Variants in ADAM28 observed in about 807,000 individuals in gnomAD.
ADAM28 encodes the protein disintegrin and metalloproteinase domain-containing protein 28.
ADAM28 carries 105 observed loss-of-function variants against 101.2 expected under a neutral mutation model. The observed-to-expected ratio is 1.04, with a 90% CI of 0.89 to 1.22. ADAM28 has a LOEUF of 1.22. ADAM28 is among the 50% of genes most tolerant of loss of function. The probability of loss-of-function intolerance (pLI) is 0.00; values close to 1 mark genes in which losing one functional copy is unlikely to be tolerated. For missense variants in ADAM28, 1,028 were observed against 945.4 expected (o/e 1.09, Z -1.15); for synonymous variants, 322 against 310.6 (o/e 1.04, Z -0.39).
rs1007157405 is a variant in ADAM28, at chr8:24,356,408, C to T, written c.*2004C>T. ...ACCATAACCCAAGCAAAAACTAAAC[C>T]ATACACTCTCAAAAGCAGTGGCATG... On this transcript the variant is annotated 3_prime_UTR_variant, in exon 23 of 23. Transcript: ENST00000265769. The T allele has an allele frequency of 1.3e-5, 2 of 152,124 alleles. No homozygotes were observed. Among genetic ancestry groups the T allele is most frequent in the African/African-American group, 2.4e-5 (1 of 41,430 alleles). 9.4% of individuals were successfully genotyped at this position (152,124 alleles called of 1,614,324 possible). A position where few individuals can be genotyped will look rare whatever the true frequency, so the allele number is the denominator to read the frequency against.
In ADAM28 at chr8:24,332,778, T is replaced by C. The variant is rs999808265; in HGVS notation, c.1371+29T>C. ...AGATTATTTTATTCTATTTTAATAA[T>C]TATGATTACATTTTTATACATTAAC... On this transcript the variant is annotated intron_variant, in intron 13 of 22. Coordinates refer to ENST00000265769, the MANE Select transcript of ADAM28 (RefSeq NM_014265.6). 1.7e-5 allele frequency: 21 copies of C among 1,242,824 alleles called. No homozygotes were observed. In the African/African-American group the frequency reaches 2.8e-4, roughly 17 times the overall value. The allele number at this position is 1,242,824 out of a possible 1,614,324, so 77.0% of individuals were successfully genotyped here.
intron 16 of ADAM28, among the ~76,000 whole-genome samples, chr8:24,342,049 A>C (rs1210040107): frequency 2.6e-5 from 4 of 152,230 alleles, no homozygotes; most frequent in African/African-American, 7.2e-5. Context: ...CGTCATGCAG[A>C]TAACACACAG....
chr8:24,342,839 C>G (rs1251586153), intron 16 of ADAM28: 3 of 436,076 alleles, frequency 6.9e-6, no homozygotes, highest in Non-Finnish European at 1.2e-5. Context: ...TAACTTCTTG[C>G]ATAGTCATTG....
chr8:24,294,238 C>A, intron 1 of ADAM28, 43 bp downstream of exon 1: 1 of 1,598,184 alleles, frequency 6.3e-7, no homozygotes, highest in Non-Finnish European at 8.6e-7. Context: ...AATGCATTAG[C>A]GAACTTTTCA....
intron 13 of ADAM28, among the ~76,000 whole-genome samples, chr8:24,333,366 G>A (rs1016255161): frequency 4.2e-4 from 64 of 152,108 alleles, no homozygotes; most frequent in African/African-American, 1.4e-3. Context: ...GTAAGAGACC[G>A]ATACATCAAT....
At chr8:24,351,499 C>A in intron 20 of ADAM28, 189 bp downstream of exon 20, 1 of 665,814 alleles carries the variant, frequency 1.5e-6, no homozygotes, top group Non-Finnish European at 2.7e-6. Context: ...TGCCGGGGTT[C>A]ATGAAATGCA....
chr8:24,321,128 A>G, intron 7 of ADAM28, 90 bp from the exon 8 acceptor site: 1 of 704,954 alleles, frequency 1.4e-6, no homozygotes, highest in Non-Finnish European at 2.4e-6. Flanking sequence ...TAAAATCAAT[A>G]ATAAGTAATA....
chr8:24,330,523 CA>C (rs1321644240), intron 11 of ADAM28, among the ~76,000 whole-genome samples: 1 of 152,128 alleles, frequency 6.6e-6, no homozygotes, highest in Non-Finnish European at 1.5e-5. Context: ...CTGAATTAGG[CA>C]AAATTTTTAG....
At chr8:24,297,376 G>A (rs985764553) in intron 1 of ADAM28, among the ~76,000 whole-genome samples, 12 of 152,184 alleles carry the variant, frequency 7.9e-5, no homozygotes, top group Non-Finnish European at 1.5e-4. Context: ...GAGAAAATTT[G>A]TGTTGGCTAG....
intron 14 of ADAM28, among the ~76,000 whole-genome samples, chr8:24,336,580 C>CA (rs769016133): frequency 0.18 from 10,727 of 61,082 alleles, 917 homozygotes; most frequent in East Asian, 0.35. Context: ...ACTCCGTCTC[C>CA]AAAAAAAAAA....
intron 6 of ADAM28, among the ~76,000 whole-genome samples, chr8:24,317,591 A>G (rs76137659): frequency 0.048 from 7,296 of 152,166 alleles, 251 homozygotes; most frequent in East Asian, 0.093. Context: ...CTAAAAGAAA[A>G]TAGAGGGGAA....
Position 24,299,979 on chromosome 8 carries a change from G to A in ADAM28, c.52G>A (p.Ala18Thr). 1 of 1,610,606 alleles carries A rather than the reference G, an allele frequency of 6.2e-7. No individual in the cohort carries two copies. Among genetic ancestry groups the A allele is most frequent in the Non-Finnish European group, 8.5e-7 (1 of 1,179,334 alleles). ...TTCTTTTTCTTTTTTCTCAGTAAGTGCTATAAAAGAACTCCCTGGGGTGAA... is the reference window on the plus strand; with the variant it reads ...TTCTTTTTCTTTTTTCTCAGTAAGTACTATAAAAGAACTCCCTGGGGTGAA... ...VSLLLSVAVS[A>T]IKELPGVKKY... The change falls in exon 2 of 23, where the codon GCT (alanine) becomes ACT (threonine). Residue 18 changes from alanine to threonine, a missense_variant. Ala to Thr is a moderately conservative substitution (Grantham distance 58, BLOSUM62 0). Transcript: ENST00000265769.
Position 24,335,470 on chromosome 8 carries a change from A to G in ADAM28, c.1396A>G (p.Arg466Gly), listed in dbSNP as rs778340500. Reference sequence around the variant, plus strand: ...GTTTAAAAAGGCTGGGATGGTGTGCAGACCAGCAAAAGATGAGTGCGACCT... The same window carrying G: ...GTTTAAAAAGGCTGGGATGGTGTGCGGACCAGCAAAAGATGAGTGCGACCT... The part of the protein sequence containing the change: ...CQFKKAGMVC[R>G]PAKDECDLPE... Residue 466 changes from arginine to glycine, a missense_variant, in exon 14 of 23, where the codon AGA becomes GGA. Physicochemically the swap from Arg to Gly is moderately radical, Grantham distance 125. Coordinates refer to ENST00000265769, the MANE Select transcript of ADAM28 (RefSeq NM_014265.6). 7 of 1,613,678 alleles carry G rather than the reference A, an allele frequency of 4.3e-6. No homozygotes were observed. Among genetic ancestry groups the G allele is most frequent in the South Asian group, 2.2e-5 (2 of 90,974 alleles).
At chr8:24,330,150 A>T (rs1473332030) in intron 11 of ADAM28, 35 bp downstream of exon 11, 2 of 1,599,166 alleles carry the variant, frequency 1.3e-6, no homozygotes, top group South Asian at 2.2e-5. Flanking sequence ...CATGCTATGT[A>T]GCCCTGGTTT....
chr8:24,346,785 CTT>C (rs893653630), intron 18 of ADAM28, among the ~76,000 whole-genome samples: 145 of 152,212 alleles, frequency 9.5e-4, no homozygotes, highest in African/African-American at 3.4e-3. Flanking sequence ...GATCTCCCCT[CTT>C]TCTCTAAGGG....
chr8:24,306,863 T>TA (rs1481689119), intron 2 of ADAM28, among the ~76,000 whole-genome samples: 2 of 152,186 alleles, frequency 1.3e-5, no homozygotes, highest in East Asian at 3.9e-4. Flanking sequence ...CTAAGGTTCC[T>TA]AATGCTGCTG....
rs771532971 is a variant in ADAM28 at position 24,335,576 on chromosome 8, A to G, written c.1502A>G (p.Lys501Arg). 28 of 1,613,906 alleles carry G rather than the reference A, an allele frequency of 1.7e-5. No homozygotes were observed. The highest frequency in any genetic ancestry group is 2.4e-5 in the Non-Finnish European group (28 of 1,179,896). The change falls in exon 14 of 23, where the codon AAG (lysine) becomes AGG (arginine). Residue 501 changes from lysine to arginine, a missense_variant. Coordinates refer to ENST00000265769, the MANE Select transcript of ADAM28 (RefSeq NM_014265.6). ...QVNGFPCHHG[K>R]GHCLMGTCPT... ...AATGGCTTCCCTTGCCATCACGGGA[A>G]GGGCCACTGCTTGATGGGGACATGC...
chr8:24,349,536 T>TC (rs1323233853), intron 18 of ADAM28, among the ~76,000 whole-genome samples: 2 of 152,222 alleles, frequency 1.3e-5, no homozygotes, highest in African/African-American at 4.8e-5. Context: ...TTTCATTTCT[T>TC]CTTTGCCATC....
chr8:24,318,894 T>C (rs1414428962), intron 6 of ADAM28, among the ~76,000 whole-genome samples: 1 of 151,908 alleles, frequency 6.6e-6, no homozygotes, highest in Non-Finnish European at 1.5e-5. Context: ...CTCCACACAA[T>C]CAATCCAGTG....
Sources: gnomAD v4.1 joint callset for allele counts (sites outside exome capture counted in the v4.1 genomes callset) on GRCh38, gnomAD v4.1.1 for gene constraint, MANE v1.5 for transcripts, NCBI Gene and HGNC (gene_info 2026-07-23, HGNC 2026-07-21) for gene names.